Variants in TUSC3 observed in about 807,000 individuals in gnomAD.
TUSC3 encodes dolichyl-diphosphooligosaccharide--protein glycosyltransferase subunit TUSC3.
A neutral mutation model predicts 44.8 loss-of-function variants in TUSC3; 45 were observed. The ratio of observed to expected loss-of-function variants is 1.00; its 90% CI spans 0.79 to 1.29. TUSC3 has a LOEUF of 1.29. TUSC3 is among the 50% of genes most tolerant of loss of function. TUSC3 has a pLI of 0.00. For synonymous variants in TUSC3, 212 were observed against 152.9 expected, an observed-to-expected ratio of 1.39 and a Z score of -2.85; for missense variants, 519 against 437.9, an observed-to-expected ratio of 1.19 and a Z score of -1.65.
intron 2 of TUSC3, among the ~76,000 whole-genome samples, chr8:15,512,567 G>A (rs2034528512): frequency 6.6e-6 from 1 of 152,118 alleles, no homozygotes. Context: ...GAGGTCAGCA[G>A]TTTGAGACCA....
intron 1 of TUSC3, among the ~76,000 whole-genome samples, chr8:15,612,800 G>T (rs1022053325): frequency 6.6e-6 from 1 of 151,788 alleles, no homozygotes; most frequent in Non-Finnish European, 1.5e-5. Context: ...TTCCTTTTCT[G>T]ATGTGACAGA....
At chr8:15,651,883 G>C (rs1291218454) in intron 3 of TUSC3, among the ~76,000 whole-genome samples, 1 of 152,176 alleles carries the variant, frequency 6.6e-6, no homozygotes, top group African/African-American at 2.4e-5. Flanking sequence ...GACATCGAGA[G>C]CTTATGTCCA....
intron 2 of TUSC3, among the ~76,000 whole-genome samples, chr8:15,522,030 A>G (rs1585074677): frequency 6.6e-6 from 1 of 151,920 alleles, no homozygotes; most frequent in Non-Finnish European, 1.5e-5. Flanking sequence ...CAATATTCCA[A>G]CCTCCCTTGC....
At chr8:15,695,998 A>G (rs1305672766) in intron 6 of TUSC3, among the ~76,000 whole-genome samples, 1 of 152,216 alleles carries the variant, frequency 6.6e-6, no homozygotes, top group Admixed American at 6.5e-5. Flanking sequence ...ACAAGGAGAT[A>G]GAAGAGAAAA....
intron 1 of TUSC3, among the ~76,000 whole-genome samples, chr8:15,479,685 C>G (rs1215392908): frequency 6.6e-6 from 1 of 151,976 alleles, no homozygotes; most frequent in Admixed American, 6.6e-5. Flanking sequence ...GGTTACTATA[C>G]CTTGTAGTAT....
At chr8:15,490,899 C>G (rs1389252440) in intron 2 of TUSC3, among the ~76,000 whole-genome samples, 1 of 152,062 alleles carries the variant, frequency 6.6e-6, no homozygotes. Flanking sequence ...AAGGACACAC[C>G]TAGGAAAAAA....
intron 9 of TUSC3, among the ~76,000 whole-genome samples, chr8:15,757,572 G>A (rs1292257578): frequency 6.6e-6 from 1 of 152,152 alleles, no homozygotes; most frequent in African/African-American, 2.4e-5. Context: ...CCTTTCTCAT[G>A]CTGAGTCCTG....
intron 6 of TUSC3, among the ~76,000 whole-genome samples, chr8:15,684,640 C>T (rs2129186976): frequency 6.6e-6 from 1 of 152,266 alleles, no homozygotes; most frequent in East Asian, 1.9e-4. Context: ...GAGGGATGCC[C>T]AGCTCTGATG....
At chr8:15,539,297 G>C (rs933203631), upstream of TUSC3, among the ~76,000 whole-genome samples, 1 of 150,046 alleles carries the variant, frequency 6.7e-6, no homozygotes, top group African/African-American at 2.4e-5. Flanking sequence ...GCATTAGAAC[G>C]GATCAGGCCC....
At chr8:15,539,003 C>G (rs1214789002), upstream of TUSC3, among the ~76,000 whole-genome samples, 2 of 151,466 alleles carry the variant, frequency 1.3e-5, no homozygotes, top group African/African-American at 4.9e-5. Flanking sequence ...GTACTCCCCA[C>G]CATACCCAGC....
At chr8:15,442,863 T>G (rs1800038785) in intron 1 of TUSC3, among the ~76,000 whole-genome samples, 1 of 152,224 alleles carries the variant, frequency 6.6e-6, no homozygotes, top group Non-Finnish European at 1.5e-5. Flanking sequence ...GGAGCCCAGT[T>G]GTAGACAAGA....
At chr8:15,845,021 A>C in the TUSC3 span, among the ~76,000 whole-genome samples, 1 of 152,208 alleles carries the variant, frequency 6.6e-6, no homozygotes. Flanking sequence ...CAGAAAATGC[A>C]GTTAATCAAA....
chr8:15,584,675 G>C (rs559628050), intron 1 of TUSC3, among the ~76,000 whole-genome samples: 2 of 152,040 alleles, frequency 1.3e-5, no homozygotes, highest in African/African-American at 2.4e-5. Context: ...GAGGCTGCCC[G>C]TTGGATCTGG....
the TUSC3 span, among the ~76,000 whole-genome samples, chr8:15,793,441 T>A: frequency 6.6e-6 from 1 of 151,882 alleles, no homozygotes; most frequent in Non-Finnish European, 1.5e-5. Flanking sequence ...TCTTCTGCTC[T>A]GACCTATCTT....
chr8:15,758,180 C>A (rs352797), intron 10 of TUSC3: 856,792 of 1,049,422 alleles, frequency 0.82, 350,494 homozygotes, highest in Non-Finnish European at 0.83. Context: ...AAATATATTT[C>A]ATTCTATCTA....
chr8:15,791,689 A>AT, the TUSC3 span, among the ~76,000 whole-genome samples: 2 of 152,340 alleles, frequency 1.3e-5, no homozygotes, highest in South Asian at 4.1e-4. Flanking sequence ...AGAAAAAATA[A>AT]TTGAAGGTGA....
At chr8:15,487,466 G>T (rs1019368178) in intron 2 of TUSC3, among the ~76,000 whole-genome samples, 1 of 152,106 alleles carries the variant, frequency 6.6e-6, no homozygotes, top group African/African-American at 2.4e-5. Context: ...TATCTTAAAA[G>T]TTTTTAGATG....
chr8:15,824,875 TAATTGGA>T, the TUSC3 span, among the ~76,000 whole-genome samples: 1 of 152,204 alleles, frequency 6.6e-6, no homozygotes, highest in African/African-American at 2.4e-5. Context: ...TGCCTCTTTT[TAATTGGA>T]CTGAAAAGTT....
chr8:15,649,257 C>A (rs1178864917), intron 2 of TUSC3, among the ~76,000 whole-genome samples: 3 of 151,826 alleles, frequency 2.0e-5, no homozygotes, highest in Admixed American at 2.0e-4. Flanking sequence ...GGGACTGGTT[C>A]GGGAGGGTGC....
Sources: allele counts gnomAD v4.1 joint callset (sites outside exome capture counted in the v4.1 genomes callset), GRCh38; gene constraint gnomAD v4.1.1; transcripts MANE v1.5; gene names NCBI Gene and HGNC (gene_info 2026-07-23, HGNC 2026-07-21).